The following GPHN variants were observed in gnomAD, a reference collection of about 807,000 sequenced individuals.
GPHN encodes gephyrin.
GPHN carries 17 observed loss-of-function variants against 95.5 expected under a neutral mutation model. The observed-to-expected ratio is 0.18, with a 90% confidence interval of 0.12 to 0.27. The LOEUF (loss-of-function observed/expected upper bound fraction) is 0.27. GPHN is among the 10% of genes least tolerant of loss of function. GPHN has a pLI of 1.00. For synonymous variants in GPHN, 320 were observed against 322.5 expected (o/e 0.99, Z 0.08); for missense variants, 660 against 978.1 (o/e 0.67, Z 4.34).
At chr14:66,757,118 G>T (rs2058584605) in intron 2 of GPHN, among the ~76,000 whole-genome samples, 1 of 152,156 alleles carries the variant, frequency 6.6e-6, no homozygotes, top group Non-Finnish European at 1.5e-5. Context: ...GAGTGGTTAT[G>T]TATGAGGTGG....
chr14:67,692,601 C>A, the GPHN span: 4 of 1,548,982 alleles, frequency 2.6e-6, no homozygotes, highest in African/African-American at 2.8e-5. Flanking sequence ...CTCCTGTCAG[C>A]CAACATATGA....
the GPHN span, among the ~76,000 whole-genome samples, chr14:67,709,800 C>G: frequency 2.0e-5 from 3 of 152,130 alleles, no homozygotes; most frequent in African/African-American, 7.2e-5. Flanking sequence ...AGCCCTGTAA[C>G]TCAATGTCAC....
At chr14:67,620,766 C>A in the GPHN span, 2 of 821,190 alleles carry the variant, frequency 2.4e-6, no homozygotes, top group Non-Finnish European at 4.0e-6. Context: ...GTTGGAAGGA[C>A]AGTCATTGAT....
At chr14:66,696,710 A>T (rs1401128313) in intron 2 of GPHN, among the ~76,000 whole-genome samples, 1 of 152,214 alleles carries the variant, frequency 6.6e-6, no homozygotes, top group Non-Finnish European at 1.5e-5. Context: ...CTAGACTGTG[A>T]TGAAGTACCC....
chr14:67,496,901 G>T, the GPHN span, among the ~76,000 whole-genome samples: 1 of 151,960 alleles, frequency 6.6e-6, no homozygotes, highest in African/African-American at 2.4e-5. Context: ...GGGTTCAAGT[G>T]ATTTTCCTGC....
chr14:66,907,926 G>T (rs970667233), intron 5 of GPHN, among the ~76,000 whole-genome samples: 8 of 151,920 alleles, frequency 5.3e-5, no homozygotes, highest in Admixed American at 5.3e-4. Context: ...TGATCCATGT[G>T]ATCCTAGGTA....
chr14:67,137,481 C>T (rs1460188881), intron 17 of GPHN, among the ~76,000 whole-genome samples: 6 of 151,712 alleles, frequency 4.0e-5, no homozygotes, highest in East Asian at 2.0e-4. Context: ...AATTATTTTT[C>T]GGCCAGGTGC....
intron 3 of GPHN, among the ~76,000 whole-genome samples, chr14:66,802,315 T>C (rs945313575): frequency 2.0e-5 from 3 of 152,102 alleles, no homozygotes; most frequent in Non-Finnish European, 4.4e-5. Context: ...GGCTCTTCTA[T>C]CAGTCTGTGG....
intron 2 of GPHN, among the ~76,000 whole-genome samples, chr14:66,718,128 G>A (rs1206460289): frequency 6.6e-6 from 1 of 152,160 alleles, no homozygotes. Flanking sequence ...TCCGGAATTG[G>A]TTCCTTCCAG....
chr14:66,659,525 G>A (rs2065511921), intron 1 of GPHN, among the ~76,000 whole-genome samples: 1 of 151,854 alleles, frequency 6.6e-6, no homozygotes, highest in African/African-American at 2.4e-5. Context: ...GCTTCTTGAT[G>A]TCTCCAACTA....
the GPHN span, chr14:67,301,893 C>G: frequency 7.1e-7 from 1 of 1,412,918 alleles, no homozygotes; most frequent in Non-Finnish European, 9.5e-7. Flanking sequence ...GGTCAGAATA[C>G]TATGTACATA....
chr14:66,924,952 AC>A (rs1041343345), intron 8 of GPHN, among the ~76,000 whole-genome samples: 7 of 152,124 alleles, frequency 4.6e-5, no homozygotes, highest in African/African-American at 1.4e-4. Flanking sequence ...TGAAAAAAAA[AC>A]GATCTAAGTC....
At chr14:66,536,363 T>G (rs964637568) in intron 1 of GPHN, among the ~76,000 whole-genome samples, 2 of 152,210 alleles carry the variant, frequency 1.3e-5, no homozygotes, top group African/African-American at 4.8e-5. Context: ...ATTACATTGA[T>G]TGATTTTTAA....
intron 13 of GPHN, among the ~76,000 whole-genome samples, chr14:67,101,210 A>T (rs896440288): frequency 2.0e-5 from 3 of 152,170 alleles, no homozygotes; most frequent in Non-Finnish European, 4.4e-5. Flanking sequence ...AATGTTCTGA[A>T]TAGAACAATT....
chr14:67,036,047 C>T (rs1196495919), intron 10 of GPHN, among the ~76,000 whole-genome samples: 1 of 151,746 alleles, frequency 6.6e-6, no homozygotes, highest in African/African-American at 2.4e-5. Flanking sequence ...GGGATTTATC[C>T]CTGGAATGCA....
intron 3 of GPHN, among the ~76,000 whole-genome samples, chr14:66,799,846 T>A (rs2060281796): frequency 6.6e-6 from 1 of 152,006 alleles, no homozygotes; most frequent in Non-Finnish European, 1.5e-5. Flanking sequence ...TCTCCTGCCA[T>A]TTTATTATTT....
chr14:67,069,336 G>C (rs1181521413), intron 11 of GPHN, among the ~76,000 whole-genome samples: 2 of 152,070 alleles, frequency 1.3e-5, no homozygotes, highest in Admixed American at 1.3e-4. Flanking sequence ...GTAAATTACA[G>C]AGTATTTACA....
chr14:67,258,145 T>C, the GPHN span, among the ~76,000 whole-genome samples: 2 of 151,974 alleles, frequency 1.3e-5, no homozygotes, highest in Non-Finnish European at 2.9e-5. Flanking sequence ...CATACATAGA[T>C]AGCAGTGTGC....
the GPHN span, chr14:67,221,749 A>G: frequency 6.2e-7 from 1 of 1,611,708 alleles, no homozygotes; most frequent in Non-Finnish European, 8.5e-7. Flanking sequence ...ATGCTGGCAA[A>G]TTTTTGAGAT....
Sources: allele counts gnomAD v4.1 joint callset (sites outside exome capture counted in the v4.1 genomes callset), GRCh38; gene constraint gnomAD v4.1.1; transcripts MANE v1.5; gene names NCBI Gene and HGNC (gene_info 2026-07-23, HGNC 2026-07-21).